Variants in RPTOR observed in about 807,000 individuals in gnomAD.
RPTOR encodes the protein regulatory associated protein of MTOR complex 1.
Under a neutral mutation model 169.9 loss-of-function variants are expected in RPTOR, and 21 were observed. The observed-to-expected ratio is 0.12, with a 90% CI of 0.09 to 0.18. The LOEUF is 0.18. RPTOR is among the 10% of genes least tolerant of loss of function. RPTOR has a pLI of 1.00. For synonymous variants in RPTOR, 732 were observed against 753.2 expected, an observed-to-expected ratio of 0.97 and a Z score of 0.46; for missense variants, 1,133 against 1,855.9, an observed-to-expected ratio of 0.61 and a Z score of 7.16.
intron 3 of RPTOR, among the ~76,000 whole-genome samples, chr17:80,691,426 T>C (rs906577033): frequency 6.7e-6 from 1 of 148,630 alleles, no homozygotes; most frequent in Non-Finnish European, 1.5e-5. Context: ...AGTGTGGGGG[T>C]GTGTGTGGAT....
intron 25 of RPTOR, among the ~76,000 whole-genome samples, chr17:80,944,894 G>A (rs930121361): frequency 6.6e-6 from 1 of 151,960 alleles, no homozygotes; most frequent in African/African-American, 2.4e-5. Context: ...AGGAGGCTGA[G>A]GCAGGAGAAT....
intron 3 of RPTOR, among the ~76,000 whole-genome samples, chr17:80,678,119 A>T (rs1598214044): frequency 1.3e-5 from 2 of 152,374 alleles, no homozygotes; most frequent in East Asian, 3.9e-4. Flanking sequence ...TCCAACATGG[A>T]ATTCCTGATG....
At chr17:80,956,370 C>T (rs79401688) in intron 28 of RPTOR, among the ~76,000 whole-genome samples, 3,342 of 152,326 alleles carry the variant, frequency 0.022, 131 homozygotes, top group African/African-American at 0.077. Flanking sequence ...AAATACAGGC[C>T]GTCACGTGAG....
At chr17:80,774,886 G>T (rs184089005) in intron 6 of RPTOR, among the ~76,000 whole-genome samples, 15 of 152,208 alleles carry the variant, frequency 9.9e-5, no homozygotes, top group African/African-American at 3.1e-4. Context: ...CCCCTCTGCC[G>T]TGGAAGGTTT....
chr17:80,692,578 C>T (rs947855249), intron 3 of RPTOR, among the ~76,000 whole-genome samples: 8 of 152,134 alleles, frequency 5.3e-5, no homozygotes, highest in Admixed American at 4.6e-4. Flanking sequence ...GCCTTGGCCT[C>T]CCAAAGTGCT....
At chr17:80,702,557 C>T (rs189324513) in intron 3 of RPTOR, among the ~76,000 whole-genome samples, 92 of 152,314 alleles carry the variant, frequency 6.0e-4, no homozygotes, top group African/African-American at 2.0e-3. Context: ...TAGTGTTTCT[C>T]ATTTCAAAGC....
intron 20 of RPTOR, among the ~76,000 whole-genome samples, chr17:80,906,567 G>A (rs1035902321): frequency 6.6e-6 from 1 of 152,226 alleles, no homozygotes; most frequent in African/African-American, 2.4e-5. Flanking sequence ...GGGACCGCCG[G>A]CCAGGCACAC....
At chr17:80,564,623 C>T (rs1219064930) in intron 1 of RPTOR, among the ~76,000 whole-genome samples, 5 of 137,596 alleles carry the variant, frequency 3.6e-5, no homozygotes, top group Admixed American at 2.2e-4. Flanking sequence ...TTTTTTTTTC[C>T]GGATGTGCAG....
intron 1 of RPTOR, among the ~76,000 whole-genome samples, chr17:80,568,702 A>G (rs981096516): frequency 6.6e-6 from 1 of 152,032 alleles, no homozygotes; most frequent in Non-Finnish European, 1.5e-5. Flanking sequence ...CTCTATTTAC[A>G]TTTATTTTAG....
chr17:80,681,803 T>C (rs2065901136), intron 3 of RPTOR, among the ~76,000 whole-genome samples: 1 of 54,874 alleles, frequency 1.8e-5, no homozygotes, highest in South Asian at 4.6e-4. Context: ...TGTACGTCTC[T>C]TACACCTTCT....
intron 1 of RPTOR, among the ~76,000 whole-genome samples, chr17:80,574,250 C>T (rs1412647687): frequency 2.0e-5 from 3 of 150,010 alleles, no homozygotes; most frequent in African/African-American, 4.9e-5. Flanking sequence ...CTGCAAGCTC[C>T]GCTTCCCGGG....
chr17:80,728,601 ACT>A (rs1366238887), intron 4 of RPTOR, among the ~76,000 whole-genome samples: 2 of 151,474 alleles, frequency 1.3e-5, no homozygotes, highest in African/African-American at 2.4e-5. Context: ...CTATTTCTGG[ACT>A]CTCTCTTTTC....
At chr17:80,635,710 G>A (rs1033181716) in intron 2 of RPTOR, among the ~76,000 whole-genome samples, 1 of 152,158 alleles carries the variant, frequency 6.6e-6, no homozygotes, top group Admixed American at 6.5e-5. Flanking sequence ...CAAAGAGGAG[G>A]ACCAGGGTGG....
intron 25 of RPTOR, chr17:80,941,257 G>C (rs2144039672): frequency 6.5e-6 from 1 of 153,132 alleles, no homozygotes; most frequent in Non-Finnish European, 1.5e-5. Context: ...GGGTGGAGGG[G>C]CAGGGAGCAG....
chr17:80,653,299 G>A (rs766087985), intron 3 of RPTOR, among the ~76,000 whole-genome samples: 34 of 152,186 alleles, frequency 2.2e-4, no homozygotes, highest in African/African-American at 7.7e-4. Flanking sequence ...GCTCATGCCC[G>A]TGGGAGGCCA....
chr17:80,545,801 T>G lies in RPTOR; in HGVS notation c.162+10T>G. On this transcript the variant is annotated intron_variant, in intron 1 of 33. Transcript: ENST00000306801. ...GAGGATGAAGGATCGGGTAAGTGGA[T>G]TCTGAAGGCACCCCTTGAACTTGGT... is the stretch of plus-strand genomic sequence containing the variant. The G allele has an allele frequency of 6.3e-7, 1 of 1,592,376 alleles. No individual in the cohort carries two copies. Among genetic ancestry groups the G allele is most frequent in the Non-Finnish European group, 8.6e-7 (1 of 1,168,858 alleles).
At chr17:80,724,940 C>T (rs1480904768) in intron 4 of RPTOR, among the ~76,000 whole-genome samples, 1 of 152,232 alleles carries the variant, frequency 6.6e-6, no homozygotes, top group Non-Finnish European at 1.5e-5. Context: ...TCCTGCCATG[C>T]CTTGCCACCA....
chr17:80,725,746 G>A (rs2066326948), intron 4 of RPTOR, among the ~76,000 whole-genome samples: 1 of 152,218 alleles, frequency 6.6e-6, no homozygotes, highest in Admixed American at 6.5e-5. Flanking sequence ...TGCATCCCGT[G>A]TTCTAATCAG....
At chr17:80,857,989 C>A in intron 13 of RPTOR, 89 bp downstream of exon 13, 3 of 1,027,750 alleles carry the variant, frequency 2.9e-6, no homozygotes, top group Non-Finnish European at 4.5e-6. Flanking sequence ...CCTGCCCTTT[C>A]TCCAGCCTCG....
Sources: allele counts gnomAD v4.1 joint callset (sites outside exome capture counted in the v4.1 genomes callset), GRCh38; gene constraint gnomAD v4.1.1; transcripts MANE v1.5; gene names NCBI Gene and HGNC (gene_info 2026-07-23, HGNC 2026-07-21).